DPYD: variants seen among roughly 807,000 people sequenced by gnomAD.
DPYD encodes the protein dihydropyrimidine dehydrogenase [NADP(+)].
In DPYD, 109 loss-of-function variants were observed where a neutral mutation model predicts 116.2. That is an observed-to-expected ratio of 0.94 (90% CI 0.80 to 1.10). The LOEUF is 1.10. Among genes scored for constraint, DPYD ranks in the 50% least tolerant of loss-of-function variants. DPYD has a pLI of 0.00. For missense variants in DPYD, 1,302 were observed against 1,254.5 expected (o/e 1.04, Z -0.57); for synonymous variants, 440 against 432.0 (o/e 1.02, Z -0.23).
At chr1:97,232,368 T>C (rs545355925) in intron 19 of DPYD, among the ~76,000 whole-genome samples, 1 of 152,312 alleles carries the variant, frequency 6.6e-6, no homozygotes, top group Non-Finnish European at 1.5e-5. Context: ...ATATGATGGA[T>C]TTTGGTATGG....
intron 12 of DPYD, among the ~76,000 whole-genome samples, chr1:97,531,391 T>C (rs1042976743): frequency 1.3e-5 from 2 of 152,182 alleles, no homozygotes; most frequent in Non-Finnish European, 2.9e-5. Flanking sequence ...TTCCCCGCTA[T>C]GCATTCTTGA....
chr1:97,238,485 T>C (rs942940525), intron 18 of DPYD, among the ~76,000 whole-genome samples: 1 of 152,244 alleles, frequency 6.6e-6, no homozygotes, highest in African/African-American at 2.4e-5. Flanking sequence ...TAAATTGCTA[T>C]GTAGAATTTA....
chr1:97,082,367 C>T lies in DPYD; in HGVS notation c.2870G>A (p.Gly957Asp), dbSNP rs1373058882. ...MIDEEMCINCGKCYMTCNDSG... is the reference protein window; with the variant it reads ...MIDEEMCINCDKCYMTCNDSG... Reference sequence around the variant, plus strand: ...ATCATTACAGGTCATGTAGCATTTACCACAGTTGATACACATTTCTTCATC... The same window carrying T: ...ATCATTACAGGTCATGTAGCATTTATCACAGTTGATACACATTTCTTCATC... Residue 957 changes from glycine (G) to aspartate (D), a missense_variant, in exon 22 of 23, where the codon GGT becomes GAT. By Grantham distance (94) the Gly-to-Asp change is moderately conservative (BLOSUM62 -1). Coordinates refer to ENST00000370192, the MANE Select transcript of DPYD (RefSeq NM_000110.4). The T allele has an allele frequency of 1.2e-6, 2 of 1,613,576 alleles. No homozygotes were observed. Among genetic ancestry groups the T allele is most frequent in the South Asian group, 2.2e-5 (2 of 91,076 alleles).
chr1:97,143,800 C>T (rs529436914), intron 20 of DPYD, among the ~76,000 whole-genome samples: 9 of 152,078 alleles, frequency 5.9e-5, no homozygotes, highest in Non-Finnish European at 1.0e-4. Flanking sequence ...AGCCCATCTT[C>T]GTAAGGCCAT....
At chr1:97,737,301 ACCT>A (rs987390993) in intron 4 of DPYD, among the ~76,000 whole-genome samples, 5 of 151,958 alleles carry the variant, frequency 3.3e-5, no homozygotes, top group African/African-American at 1.2e-4. Context: ...GAAGGAAATG[ACCT>A]CCTGTACCAA....
At chr1:97,751,391 TGTATATATACATATATAC>T in intron 3 of DPYD, among the ~76,000 whole-genome samples, 1 of 144,370 alleles carries the variant, frequency 6.9e-6, no homozygotes, top group African/African-American at 2.6e-5. Flanking sequence ...CATATATGTG[TGTATATATACATATATAC>T]GTGTATATAT....
intron 10 of DPYD, among the ~76,000 whole-genome samples, chr1:97,581,158 C>CAACAAA (rs1653635858): frequency 7.0e-6 from 1 of 142,778 alleles, no homozygotes; most frequent in Non-Finnish European, 1.5e-5. Flanking sequence ...GCAACAACAA[C>CAACAAA]AACAACAACA....
chr1:97,140,491 A>G (rs1028373994), intron 20 of DPYD, among the ~76,000 whole-genome samples: 1 of 152,134 alleles, frequency 6.6e-6, no homozygotes, highest in Non-Finnish European at 1.5e-5. Flanking sequence ...CTTTAAGAAA[A>G]AGAGTTGGCA....
intron 3 of DPYD, among the ~76,000 whole-genome samples, chr1:97,814,924 A>G (rs61787775): frequency 5.9e-5 from 1 of 17,028 alleles, no homozygotes; most frequent in Non-Finnish European, 1.3e-4. Context: ...AAAAAAAAGA[A>G]AGAGAGAGGA....
chr1:97,591,065 G>A (rs868499978), intron 10 of DPYD, among the ~76,000 whole-genome samples: 27 of 152,096 alleles, frequency 1.8e-4, no homozygotes, highest in South Asian at 2.1e-4. Flanking sequence ...CACAAATCCA[G>A]AAGACTTCCA....
chr1:97,308,213 T>C (rs1280067191), intron 16 of DPYD, among the ~76,000 whole-genome samples: 1 of 151,842 alleles, frequency 6.6e-6, no homozygotes, highest in Non-Finnish European at 1.5e-5. Flanking sequence ...TGATCTGGAA[T>C]TTGTTCAAAG....
intron 8 of DPYD, among the ~76,000 whole-genome samples, chr1:97,614,389 T>C (rs1031134508): frequency 7.9e-5 from 12 of 152,124 alleles, no homozygotes; most frequent in African/African-American, 2.9e-4. Context: ...ATAGATATTA[T>C]GTGAATGATA....
At chr1:97,650,183 A>T (rs529394537) in intron 8 of DPYD, among the ~76,000 whole-genome samples, 1 of 152,064 alleles carries the variant, frequency 6.6e-6, no homozygotes, top group South Asian at 2.1e-4. Flanking sequence ...TCATTATGTG[A>T]TGTGTTGTAC....
At chr1:97,088,723 C>T (rs1292152250) in intron 21 of DPYD, among the ~76,000 whole-genome samples, 1 of 152,144 alleles carries the variant, frequency 6.6e-6, no homozygotes, top group Non-Finnish European at 1.5e-5. Flanking sequence ...CCCATTTATT[C>T]CAGACAAGAT....
At chr1:97,630,066 G>C (rs1571090261) in intron 8 of DPYD, among the ~76,000 whole-genome samples, 2 of 151,466 alleles carry the variant, frequency 1.3e-5, no homozygotes, top group African/African-American at 4.8e-5. Context: ...ATGCTAACTA[G>C]TACTAATATG....
intron 3 of DPYD, among the ~76,000 whole-genome samples, chr1:97,827,282 CAT>C (rs1409472126): frequency 6.6e-6 from 1 of 152,020 alleles, no homozygotes; most frequent in Non-Finnish European, 1.5e-5. Flanking sequence ...ATTTTAAAAA[CAT>C]ATTTTAATTT....
intron 2 of DPYD, among the ~76,000 whole-genome samples, chr1:97,829,164 T>G (rs2101484584): frequency 6.6e-6 from 1 of 151,948 alleles, no homozygotes; most frequent in Non-Finnish European, 1.5e-5. Flanking sequence ...AAAGAAAAAC[T>G]AAATGACAAA....
chr1:97,325,910 G>A (rs1310852882), intron 16 of DPYD, among the ~76,000 whole-genome samples: 1 of 151,848 alleles, frequency 6.6e-6, no homozygotes, highest in African/African-American at 2.4e-5. Context: ...CTAGAGTTTA[G>A]GGTCAATTTT....
intron 5 of DPYD, among the ~76,000 whole-genome samples, chr1:97,706,163 T>C (rs1661939165): frequency 6.6e-6 from 1 of 151,986 alleles, no homozygotes; most frequent in Non-Finnish European, 1.5e-5. Context: ...TCTGATAAAA[T>C]AGATTTTGAT....
Sources: allele counts gnomAD v4.1 joint callset (sites outside exome capture counted in the v4.1 genomes callset), GRCh38; gene constraint gnomAD v4.1.1; transcripts MANE v1.5; gene names NCBI Gene and HGNC (gene_info 2026-07-23, HGNC 2026-07-21).